ZNF362: variants seen among roughly 807,000 people sequenced by gnomAD.
The protein encoded by ZNF362 is zinc finger protein 362.
A neutral mutation model predicts 42.9 loss-of-function variants in ZNF362; 11 were observed. The ratio of observed to expected loss-of-function variants is 0.26; its 90% CI spans 0.16 to 0.42. ZNF362 has a LOEUF of 0.42. Among genes scored for constraint, ZNF362 ranks in the 20% least tolerant of loss-of-function variants. The pLI, the probability that ZNF362 is intolerant of heterozygous loss-of-function variation, is 1.00. For missense variants in ZNF362, 362 were observed against 576.2 expected (o/e 0.63, Z 3.81); for synonymous variants, 255 against 257.3 (o/e 0.99, Z 0.09).
At chr1:33,242,853 T>C in the ZNF362 span, among the ~76,000 whole-genome samples, 67 of 152,334 alleles carry the variant, frequency 4.4e-4, no homozygotes, top group Middle Eastern at 3.4e-3. Flanking sequence ...CAAGCCAAAG[T>C]GCTGCTTCCT....
At chr1:33,205,137 G>T in the ZNF362 span, among the ~76,000 whole-genome samples, 10 of 151,230 alleles carry the variant, frequency 6.6e-5, no homozygotes, top group Middle Eastern at 3.4e-3. Flanking sequence ...GTGTGTTTTT[G>T]TGTGTGTGTG....
the ZNF362 span, among the ~76,000 whole-genome samples, chr1:33,149,454 CTT>C: frequency 7.4e-6 from 1 of 134,836 alleles, no homozygotes; most frequent in Non-Finnish European, 1.6e-5. Context: ...GTGCTGGATT[CTT>C]TTAAAAAAAA....
chr1:33,162,683 T>C, the ZNF362 span, among the ~76,000 whole-genome samples: 1 of 151,828 alleles, frequency 6.6e-6, no homozygotes, highest in East Asian at 2.0e-4. Flanking sequence ...CGAGAGAGGA[T>C]GGGAGGGAAA....
intron 2 of ZNF362, among the ~76,000 whole-genome samples, chr1:33,273,324 G>A (rs1570392147): frequency 1.3e-5 from 2 of 152,242 alleles, no homozygotes; most frequent in Non-Finnish European, 2.9e-5. Context: ...CAAAGGTGGT[G>A]TGGATCAGAT....
chr1:33,221,587 T>G, the ZNF362 span, among the ~76,000 whole-genome samples: 1 of 152,218 alleles, frequency 6.6e-6, no homozygotes, highest in South Asian at 2.1e-4. Context: ...AAGTATATAT[T>G]TGTAATCACT....
At chr1:33,272,926 G>A (rs1275395246) in intron 2 of ZNF362, among the ~76,000 whole-genome samples, 2 of 152,260 alleles carry the variant, frequency 1.3e-5, no homozygotes, top group Non-Finnish European at 2.9e-5. Context: ...TTCCAGGAAT[G>A]TCCTTCTGCC....
At chr1:33,187,948 A>G in the ZNF362 span, among the ~76,000 whole-genome samples, 3 of 152,170 alleles carry the variant, frequency 2.0e-5, no homozygotes, top group African/African-American at 7.2e-5. Context: ...AAATACATGT[A>G]AGGGAGGCAG....
the ZNF362 span, among the ~76,000 whole-genome samples, chr1:33,185,188 T>C: frequency 0.75 from 113,501 of 151,454 alleles, 42,513 homozygotes; most frequent in Admixed American, 0.78. Flanking sequence ...CCAAAGGACA[T>C]AGTATGTGGT....
At chr1:33,182,317 A>G in the ZNF362 span, among the ~76,000 whole-genome samples, 17 of 152,272 alleles carry the variant, frequency 1.1e-4, no homozygotes, top group Non-Finnish European at 2.4e-4. Context: ...AACAAGGAGC[A>G]TCTTTCTGGA....
At chr1:33,275,602 C>G (rs1319054816) in intron 2 of ZNF362, among the ~76,000 whole-genome samples, 1 of 152,196 alleles carries the variant, frequency 6.6e-6, no homozygotes, top group African/African-American at 2.4e-5. Flanking sequence ...TATCTGGTGA[C>G]CTCATGTTGC....
At chr1:33,139,760 G>A in the ZNF362 span, among the ~76,000 whole-genome samples, 462 of 152,300 alleles carry the variant, frequency 3.0e-3, no homozygotes, top group Non-Finnish European at 5.0e-3. Flanking sequence ...CTGGTGGGGA[G>A]GGCTGAGTGC....
At chr1:33,270,710 C>G in intron 2 of ZNF362, 98 bp downstream of exon 2, 2 of 1,549,474 alleles carry the variant, frequency 1.3e-6, no homozygotes, top group Non-Finnish European at 1.7e-6. Flanking sequence ...TGAGTGCCCC[C>G]GCTGCTACCC....
chr1:33,292,790 C>G (rs555355326), intron 6 of ZNF362, among the ~76,000 whole-genome samples: 4 of 152,200 alleles, frequency 2.6e-5, no homozygotes, highest in Admixed American at 6.5e-5. Flanking sequence ...AACGAATTCC[C>G]CAGCCCTAGA....
At chr1:33,292,837 C>T (rs1646089076) in intron 6 of ZNF362, among the ~76,000 whole-genome samples, 1 of 152,196 alleles carries the variant, frequency 6.6e-6, no homozygotes, top group African/African-American at 2.4e-5. Flanking sequence ...AGGATGCTGG[C>T]CTCAGGCGGA....
At chr1:33,141,883 A>G in the ZNF362 span, 1 of 158,346 alleles carries the variant, frequency 6.3e-6, no homozygotes, top group African/African-American at 2.4e-5. Flanking sequence ...GTTTAAAAAT[A>G]TATTCTTTTC....
chr1:33,274,059 T>C (rs1218062475), intron 2 of ZNF362, among the ~76,000 whole-genome samples: 1 of 152,138 alleles, frequency 6.6e-6, no homozygotes, highest in Non-Finnish European at 1.5e-5. Flanking sequence ...TTTCCCCCTG[T>C]GGACAGTAGC....
the ZNF362 span, chr1:33,180,960 A>G: frequency 1.9e-5 from 4 of 209,058 alleles, no homozygotes; most frequent in Non-Finnish European, 3.4e-5. Flanking sequence ...CCCTGACCCC[A>G]CCCCCCGCCC....
chr1:33,217,868 A>G, the ZNF362 span, among the ~76,000 whole-genome samples: 1 of 152,184 alleles, frequency 6.6e-6, no homozygotes, highest in Non-Finnish European at 1.5e-5. Context: ...TTTTCACTCC[A>G]TAATATGTCA....
the ZNF362 span, chr1:33,164,730 G>A: frequency 6.6e-6 from 1 of 152,214 alleles, no homozygotes. Flanking sequence ...GGGCTTCGAG[G>A]GGACATGCTC....
Sources: allele counts gnomAD v4.1 joint callset (sites outside exome capture counted in the v4.1 genomes callset), GRCh38; gene constraint gnomAD v4.1.1; transcripts MANE v1.5; gene names NCBI Gene and HGNC (gene_info 2026-07-23, HGNC 2026-07-21).